CLIC5: variants seen among roughly 807,000 people sequenced by gnomAD.
CLIC5 encodes CLIC family member 5, also known as chloride intracellular channel protein 5.
In CLIC5, 20 loss-of-function variants were observed where a neutral mutation model predicts 24.7. The observed-to-expected ratio is 0.81, with a 90% CI of 0.57 to 1.18. The LOEUF (loss-of-function observed/expected upper bound fraction) is 1.18. CLIC5 is among the 50% of genes most tolerant of loss of function. The pLI, the probability that CLIC5 is intolerant of heterozygous loss-of-function variation, is 0.00. For synonymous variants in CLIC5, 159 were observed against 135.6 expected (o/e 1.17, Z -1.20); for missense variants, 341 against 326.1 (o/e 1.05, Z -0.35).
intron 1 of CLIC5, among the ~76,000 whole-genome samples, chr6:46,038,654 T>C (rs1180272333): frequency 6.6e-6 from 1 of 152,232 alleles, no homozygotes; most frequent in Non-Finnish European, 1.5e-5. Flanking sequence ...CAGCCAGACT[T>C]AATCTACATT....
downstream of CLIC5, among the ~76,000 whole-genome samples, chr6:45,894,809 C>A (rs1389977885): frequency 6.6e-6 from 1 of 152,154 alleles, no homozygotes; most frequent in Non-Finnish European, 1.5e-5. Flanking sequence ...AGCTTTGAAT[C>A]CATGCGCACT....
At chr6:46,017,610 A>G (rs1232150824), upstream of CLIC5, among the ~76,000 whole-genome samples, 1 of 152,230 alleles carries the variant, frequency 6.6e-6, no homozygotes, top group Non-Finnish European at 1.5e-5. Context: ...CATGGTTTTA[A>G]CGGTCTTAAC....
the CLIC5 span, among the ~76,000 whole-genome samples, chr6:46,096,735 G>A: frequency 6.6e-6 from 1 of 152,188 alleles, no homozygotes; most frequent in African/African-American, 2.4e-5. Flanking sequence ...TAATGAAAAT[G>A]TGTGAATTAC....
At chr6:45,987,777 A>G (rs1277945767) in intron 1 of CLIC5, among the ~76,000 whole-genome samples, 1 of 152,042 alleles carries the variant, frequency 6.6e-6, no homozygotes, top group African/African-American at 2.4e-5. Flanking sequence ...CTTGTTATAA[A>G]TCCCCCAATC....
At chr6:45,891,454 G>A (rs1762346198) in intron 6 of CLIC5, among the ~76,000 whole-genome samples, 1 of 151,716 alleles carries the variant, frequency 6.6e-6, no homozygotes, top group Non-Finnish European at 1.5e-5. Context: ...AGGCCAACAT[G>A]GTGAAACCCT....
rs114745167 is a variant in CLIC5, at chr6:45,980,689, T to A, written c.64-25445A>T. Among the ~76,000 whole-genome samples, 1,025 of 151,990 alleles carry A rather than the reference T, an allele frequency of 6.7e-3. 9 individuals are homozygous for A. The highest frequency in any genetic ancestry group is 0.023 in the African/African-American group (955 of 41,488). Reference sequence around the variant, plus strand: ...AGAGCATGCTGCAAAATGTATCGGTTGTATAATTCCAATAATTAAAAAAAA... The same window carrying A: ...AGAGCATGCTGCAAAATGTATCGGTAGTATAATTCCAATAATTAAAAAAAA... On this transcript the variant is annotated intron_variant, in intron 1 of 5. Transcript: ENST00000339561.
chr6:45,881,226 A>C, intron 6 of CLIC5: 2 of 398,388 alleles, frequency 5.0e-6, no homozygotes, highest in East Asian at 7.1e-5. Flanking sequence ...AGTTGGAGCC[A>C]ATTTAATGGG....
At chr6:45,911,412 C>A (rs1762813718) in intron 5 of CLIC5, among the ~76,000 whole-genome samples, 1 of 152,174 alleles carries the variant, frequency 6.6e-6, no homozygotes, top group South Asian at 2.1e-4. Flanking sequence ...CAGTCCCTTT[C>A]TGTTCACTGA....
At chr6:46,104,264 T>A in the CLIC5 span, among the ~76,000 whole-genome samples, 1 of 152,188 alleles carries the variant, frequency 6.6e-6, no homozygotes, top group Non-Finnish European at 1.5e-5. Context: ...TTGTTTTATG[T>A]CCATGAGAGC....
upstream of CLIC5, among the ~76,000 whole-genome samples, chr6:46,016,251 C>T (rs548393435): frequency 4.4e-4 from 66 of 151,304 alleles, no homozygotes; most frequent in Non-Finnish European, 8.5e-4. Flanking sequence ...GGAGATGGCT[C>T]TCAAGTCTTC....
intron 1 of CLIC5, among the ~76,000 whole-genome samples, chr6:46,022,812 G>A (rs894406056): frequency 5.9e-5 from 9 of 152,108 alleles, no homozygotes; most frequent in East Asian, 3.8e-4. Context: ...GCCAGACACC[G>A]CTCATACTCA....
the CLIC5 span, among the ~76,000 whole-genome samples, chr6:46,089,083 T>G: frequency 6.6e-6 from 1 of 152,172 alleles, no homozygotes; most frequent in Non-Finnish European, 1.5e-5. Context: ...TAAATTCTAT[T>G]TTGGTGTTGG....
At chr6:46,120,438 C>T in the CLIC5 span, among the ~76,000 whole-genome samples, 8 of 152,146 alleles carry the variant, frequency 5.3e-5, no homozygotes, top group Non-Finnish European at 1.2e-4. Flanking sequence ...CTGTACGTCA[C>T]CATCATCAAA....
At position 45,903,248 on chromosome 6, in the gene CLIC5, G is replaced by C; in HGVS notation, c.596C>G (p.Ala199Gly). 1.3e-6 allele frequency: 2 copies of C among 1,578,122 alleles called. No individual in the cohort carries two copies. The highest frequency in any genetic ancestry group is 2.3e-5 in the East Asian group (1 of 43,694). Residue 199 changes from alanine to glycine, a missense_variant, in exon 6 of 6, where the codon GCC becomes GGC. Coordinates refer to ENST00000339561, the MANE Select transcript of CLIC5 (RefSeq NM_016929.5). ...LPKLHVVKIV[A>G]KKYRNYDIPA... ...GATATCATAGTTGCGGTATTTCTTGGCCACAATCTAAAACAGAGATGGCAG... is the reference window on the plus strand; with the variant it reads ...GATATCATAGTTGCGGTATTTCTTGCCCACAATCTAAAACAGAGATGGCAG...
chr6:46,093,418 G>A, the CLIC5 span, among the ~76,000 whole-genome samples: 4 of 152,184 alleles, frequency 2.6e-5, no homozygotes, highest in Non-Finnish European at 4.4e-5. Context: ...TGTATTTCTC[G>A]GCATATCCAG....
At chr6:45,917,798 G>A (rs540739104) in intron 4 of CLIC5, among the ~76,000 whole-genome samples, 1 of 152,216 alleles carries the variant, frequency 6.6e-6, no homozygotes, top group African/African-American at 2.4e-5. Context: ...CACAGGTCAT[G>A]AAACTATTTG....
chr6:45,903,007 A>C lies in CLIC5; in HGVS notation c.*81T>G, dbSNP rs1304361311. On this transcript the variant is annotated 3_prime_UTR_variant, in exon 6 of 6. Transcript: ENST00000339561. ...ATAAAAAGTGCGCCTCAAGGCAGTG[A>C]TACAGAGGAGTCTATGAAGCTGGAG... The C allele has an allele frequency of 6.7e-7, 1 of 1,497,528 alleles. No homozygotes were observed. Among genetic ancestry groups the C allele is most frequent in the Non-Finnish European group, 9.2e-7 (1 of 1,082,234 alleles). 92.8% of individuals were successfully genotyped at this position (1,497,528 alleles called of 1,614,324 possible). A position where few individuals can be genotyped will look rare whatever the true frequency, so the allele number is the denominator to read the frequency against.
At chr6:46,056,640 A>G (rs1768263394) in intron 1 of CLIC5, among the ~76,000 whole-genome samples, 1 of 152,152 alleles carries the variant, frequency 6.6e-6, no homozygotes, top group African/African-American at 2.4e-5. Flanking sequence ...TAAATGCTAA[A>G]GATAGGAGTC....
intron 1 of CLIC5, among the ~76,000 whole-genome samples, chr6:45,956,432 A>G (rs1764643668): frequency 6.6e-6 from 1 of 151,850 alleles, no homozygotes; most frequent in Admixed American, 6.6e-5. Flanking sequence ...CAAAGCTGTA[A>G]ACAATCCGAC....
Sources: gnomAD v4.1 joint callset for allele counts (sites outside exome capture counted in the v4.1 genomes callset) on GRCh38, gnomAD v4.1.1 for gene constraint, MANE v1.5 for transcripts, NCBI Gene and HGNC (gene_info 2026-07-23, HGNC 2026-07-21) for gene names.